The following DLG2 variants were observed in gnomAD, a reference collection of about 807,000 sequenced individuals.
DLG2 encodes discs large MAGUK scaffold protein 2.
A neutral mutation model predicts 132.5 loss-of-function variants in DLG2; 45 were observed. The observed-to-expected ratio is 0.34, with a 90% CI of 0.27 to 0.44. The LOEUF (loss-of-function observed/expected upper bound fraction) is 0.44, where lower values mean the gene tolerates loss of function less well. DLG2 is among the 20% of genes least tolerant of loss of function. The pLI is 1.00. For synonymous variants in DLG2, 424 were observed against 419.6 expected, an observed-to-expected ratio of 1.01 and a Z score of -0.13; for missense variants, 1,045 against 1,196.9, an observed-to-expected ratio of 0.87 and a Z score of 1.87.
chr11:84,784,280 A>T (rs1383905081), intron 6 of DLG2, among the ~76,000 whole-genome samples: 3 of 149,302 alleles, frequency 2.0e-5, no homozygotes, highest in African/African-American at 7.4e-5. Flanking sequence ...AGATTGCACC[A>T]TTGCATTTCA....
intron 3 of DLG2, among the ~76,000 whole-genome samples, chr11:85,398,626 A>G (rs1404812125): frequency 6.6e-6 from 1 of 152,102 alleles, no homozygotes; most frequent in East Asian, 1.9e-4. Flanking sequence ...AATACAAACT[A>G]CCATCAGAGA....
chr11:83,786,568 A>T (rs2039993671), intron 18 of DLG2, 122 bp downstream of exon 18: 2 of 794,990 alleles, frequency 2.5e-6, no homozygotes, highest in East Asian at 2.7e-5. Flanking sequence ...TCAATTTTTC[A>T]CTATAGGTAG....
intron 17 of DLG2, among the ~76,000 whole-genome samples, chr11:83,819,935 C>A (rs2153979268): frequency 6.7e-6 from 1 of 148,274 alleles, no homozygotes; most frequent in African/African-American, 2.6e-5. Flanking sequence ...AATACAGGAC[C>A]CTCACAATAA....
At chr11:85,021,777 A>C in intron 6 of DLG2, 1 of 541,778 alleles carries the variant, frequency 1.8e-6, no homozygotes, top group South Asian at 2.1e-5. Context: ...TTCTACGTGG[A>C]GAACCTGACT....
chr11:85,418,012 T>C, intron 3 of DLG2, among the ~76,000 whole-genome samples: 1 of 152,232 alleles, frequency 6.6e-6, no homozygotes, highest in East Asian at 1.9e-4. Flanking sequence ...TTCTTCTATT[T>C]CTTTTAATTG....
chr11:84,509,943 A>G (rs1161097815), intron 7 of DLG2, among the ~76,000 whole-genome samples: 4 of 151,928 alleles, frequency 2.6e-5, no homozygotes, highest in African/African-American at 9.7e-5. Context: ...AAATTAAGAA[A>G]ATAAATTAAA....
intron 11 of DLG2, among the ~76,000 whole-genome samples, chr11:84,041,046 GC>G (rs2096064881): frequency 6.6e-6 from 1 of 151,598 alleles, no homozygotes; most frequent in African/African-American, 2.4e-5. Context: ...GTATAAGAAT[GC>G]TTGTGATTTT....
At chr11:85,321,703 T>C (rs541249953) in intron 3 of DLG2, among the ~76,000 whole-genome samples, 2 of 152,060 alleles carry the variant, frequency 1.3e-5, no homozygotes, top group South Asian at 2.1e-4. Flanking sequence ...GTTAAATGTA[T>C]CAAGGAGGAG....
At chr11:85,173,069 C>T (rs1364510911) in intron 4 of DLG2, among the ~76,000 whole-genome samples, 1 of 152,138 alleles carries the variant, frequency 6.6e-6, no homozygotes, top group Non-Finnish European at 1.5e-5. Context: ...TCCAGGAGAA[C>T]TTCCCTAACC....
intron 3 of DLG2, among the ~76,000 whole-genome samples, chr11:85,420,557 C>T (rs1480076514): frequency 6.6e-6 from 1 of 152,150 alleles, no homozygotes; most frequent in South Asian, 2.1e-4. Context: ...GGTGCTCTGT[C>T]CCAAGGAGAT....
intron 7 of DLG2, among the ~76,000 whole-genome samples, chr11:84,325,678 C>G (rs1036372125): frequency 2.0e-5 from 3 of 152,074 alleles, no homozygotes; most frequent in Non-Finnish European, 4.4e-5. Flanking sequence ...ATTTTTGCAT[C>G]TATATTCATT....
At chr11:83,515,396 C>T (rs556087304) in intron 21 of DLG2, among the ~76,000 whole-genome samples, 25 of 151,926 alleles carry the variant, frequency 1.6e-4, no homozygotes, top group African/African-American at 2.2e-4. Context: ...TTTTTTATTG[C>T]GTCTATTTGA....
intron 11 of DLG2, among the ~76,000 whole-genome samples, chr11:84,002,842 T>G (rs1348878983): frequency 2.6e-5 from 4 of 152,186 alleles, no homozygotes; most frequent in African/African-American, 9.6e-5. Context: ...GGCTTGAATT[T>G]CTTTTCAGAA....
chr11:84,397,218 G>C (rs1424891103), intron 7 of DLG2, among the ~76,000 whole-genome samples: 1 of 152,108 alleles, frequency 6.6e-6, no homozygotes, highest in Admixed American at 6.5e-5. Context: ...CGACTACAAA[G>C]CCCTTGCTTC....
chr11:83,632,296 C>T (rs1350000195), intron 19 of DLG2: 1 of 152,110 alleles, frequency 6.6e-6, no homozygotes, highest in Non-Finnish European at 1.5e-5. Context: ...TACGTCATGC[C>T]TAAAATTTCA....
Position 85,154,588 on chromosome 11 carries a change from T to G in DLG2, c.250A>C (p.Ser84Arg). 1 of 1,535,670 alleles carries G rather than the reference T, an allele frequency of 6.5e-7. No individual in the cohort carries two copies. Among genetic ancestry groups the G allele is most frequent in the African/African-American group, 1.4e-5 (1 of 72,848 alleles). Residue 84 changes from serine to arginine, a missense_variant, in exon 5 of 28, where the codon AGT (serine) becomes CGT (arginine). Ser to Arg is a moderately radical substitution (Grantham distance 110). Coordinates refer to ENST00000376104, the MANE Select transcript of DLG2 (RefSeq NM_001142699.3). ...GTCTCATCAGTTTCATTTTCAAAACTCTGATTTTCTTTATTTTGCTCAATA... is the reference window on the plus strand; with the variant it reads ...GTCTCATCAGTTTCATTTTCAAAACGCTGATTTTCTTTATTTTGCTCAATA... ...SCIEQNKENQ[S>R]FENETDETTT...
chr11:85,246,722 C>T (rs1283875716), intron 4 of DLG2, among the ~76,000 whole-genome samples: 1 of 152,018 alleles, frequency 6.6e-6, no homozygotes, highest in African/African-American at 2.4e-5. Flanking sequence ...TGCATAACAA[C>T]TGCATAATTA....
At chr11:85,442,129 T>A (rs781129882) in intron 3 of DLG2, among the ~76,000 whole-genome samples, 25 of 152,198 alleles carry the variant, frequency 1.6e-4, no homozygotes, top group Non-Finnish European at 3.1e-4. Context: ...GAATATATTA[T>A]GTATATCTTT....
rs77467197 is a variant in DLG2 at position 83,582,518 on chromosome 11, A to G, written c.1941-40660T>C. ...ATTAAGACATTCTCAGTATCCTCAC[A>G]AGAAAAGGAGGAATGCCCACAGCTC... On this transcript the variant is annotated intron_variant, in intron 19 of 27. Transcript: ENST00000376104. Among the ~76,000 whole-genome samples the G allele has an allele frequency of 9.8e-5, 15 of 152,322 alleles. No individual in the cohort carries two copies. In the East Asian group the frequency reaches 2.9e-3, roughly 29 times the overall value.
Sources: gnomAD v4.1 joint callset for allele counts (sites outside exome capture counted in the v4.1 genomes callset) on GRCh38, gnomAD v4.1.1 for gene constraint, MANE v1.5 for transcripts, NCBI Gene and HGNC (gene_info 2026-07-23, HGNC 2026-07-21) for gene names.